The following TPCN1 variants were observed in gnomAD, a reference collection of about 807,000 sequenced individuals.
The protein encoded by TPCN1 is two pore segment channel 1.
A neutral mutation model predicts 108.8 loss-of-function variants in TPCN1; 52 were observed. The observed-to-expected ratio is 0.48, with a 90% CI of 0.38 to 0.60. The LOEUF is 0.60. TPCN1 is among the 20% of genes least tolerant of loss of function. The pLI is 0.00. For missense variants in TPCN1, 806 were observed against 1,072.8 expected, an observed-to-expected ratio of 0.75 and a Z score of 3.47; for synonymous variants, 446 against 433.7, an observed-to-expected ratio of 1.03 and a Z score of -0.35.
At chr12:113,263,998 G>A (rs553057084) in intron 3 of TPCN1, among the ~76,000 whole-genome samples, 22 of 152,098 alleles carry the variant, frequency 1.4e-4, no homozygotes, top group Non-Finnish European at 2.9e-4. Context: ...TAAAATCTGA[G>A]CCCCATGTCA....
chr12:113,248,696 G>A (rs977463808), intron 2 of TPCN1, among the ~76,000 whole-genome samples: 1 of 152,182 alleles, frequency 6.6e-6, no homozygotes, highest in African/African-American at 2.4e-5. Flanking sequence ...AGAGGTTGCG[G>A]GTCAGGTTCC....
chr12:113,266,773 C>T lies in TPCN1; in HGVS notation c.414+417C>T, dbSNP rs553494607. 9.6e-4 allele frequency among the ~76,000 whole-genome samples: 146 copies of T among 152,328 alleles called. No homozygotes were observed. Among genetic ancestry groups the T allele is most frequent in the African/African-American group, 3.3e-3 (139 of 41,576 alleles). On this transcript the variant is annotated intron_variant, in intron 4 of 27. Coordinates refer to ENST00000335509, the MANE Select transcript of TPCN1 (RefSeq NM_017901.6). This position sits in a 1 kb window ranked among gnomAD's most constrained non-coding sequence, Gnocchi z 4.2. ...CCCAGCCCCGCAGATGTCCCTACACCCAGGCCCAGCCATCATTCAGTGGGG... is the reference window on the plus strand; with the variant it reads ...CCCAGCCCCGCAGATGTCCCTACACTCAGGCCCAGCCATCATTCAGTGGGG...
chr12:113,296,310 CCTACTGTGGAAGGCTCCAGAAGG>C lies in TPCN1; in HGVS notation c.*236_*258del. On this transcript the variant is annotated 3_prime_UTR_variant, in exon 28 of 28. Coordinates refer to ENST00000335509, the MANE Select transcript of TPCN1 (RefSeq NM_017901.6). ...GTGCGGCCACCAGGTCTGAGCTCTTCCTACTGTGGAAGGCTCCAGAAGGCCCTTCACAAGGAGACCCCTCACCT... is the reference window on the plus strand; with the variant it reads ...GTGCGGCCACCAGGTCTGAGCTCTTCCCCTTCACAAGGAGACCCCTCACCT... The C allele has an allele frequency of 3.6e-6, 2 of 559,952 alleles. No homozygotes were observed. Among genetic ancestry groups the C allele is most frequent in the Admixed American group, 3.1e-5 (1 of 32,322 alleles). The allele number at this position is 559,952 out of a possible 1,614,324, so 34.7% of individuals were successfully genotyped here.
chr12:113,280,183 C>T lies in TPCN1; in HGVS notation c.1330C>T (p.Gln444Ter), dbSNP rs758729890. Residue 444 changes from glutamine (Q) to a stop codon, truncating the protein, a stop_gained, in exon 15 of 28, where the codon CAG becomes TAG. Transcript: ENST00000335509. LOFTEE classifies it high-confidence loss of function. Reference protein sequence around the residue: ...INILVKSKAFQYFMYLVVAVN... With the variant: ...INILVKSKAF Reference sequence around the variant, plus strand: ...TATCCTTGTGAAGTCCAAGGCCTTCCAGTATTTCATGTGTAAGTGTGAAAT... The same window carrying T: ...TATCCTTGTGAAGTCCAAGGCCTTCTAGTATTTCATGTGTAAGTGTGAAAT... 6.2e-7 allele frequency: 1 copy of T among 1,608,600 alleles called. No individual in the cohort carries two copies. The highest frequency in any genetic ancestry group is 8.5e-7 in the Non-Finnish European group (1 of 1,175,446).
intron 2 of TPCN1, among the ~76,000 whole-genome samples, chr12:113,239,273 C>A (rs114354287): frequency 6.6e-6 from 1 of 152,216 alleles, no homozygotes; most frequent in African/African-American, 2.4e-5. Flanking sequence ...CCTGCTCCCC[C>A]CAGCTAGGGC....
Position 113,293,046 on chromosome 12 carries a change from G to A in TPCN1, c.2226G>A (p.Glu742=). 1.2e-6 allele frequency: 2 copies of A among 1,612,944 alleles called. No individual in the cohort carries two copies. The highest frequency in any genetic ancestry group is 1.7e-6 in the Non-Finnish European group (2 of 1,179,842). ...GASSDVTRLL[E]TLSQMERYQQ... is the part of the protein sequence containing the mutation. ...CCTCGGATGTCACCAGGCTGCTGGA[G>A]ACCCTCTCCCAGATGGAGAGATACC... The change falls in exon 26 of 28, where the codon GAG becomes GAA. Residue 742 remains glutamate, a synonymous_variant. Transcript: ENST00000335509.
chr12:113,266,431 A>T lies in TPCN1; in HGVS notation c.414+75A>T. ...GGCAAGCGATGGAACTCCAAAAAGG[A>T]ACATTCTGGGAGGGCAAACACTGCA... is the stretch of plus-strand genomic sequence containing the variant. On this transcript the variant is annotated intron_variant, in intron 4 of 27. Transcript: ENST00000335509. This position sits in a 1 kb window ranked among gnomAD's most constrained non-coding sequence, Gnocchi z 4.2. 1 of 1,561,176 alleles carries T rather than the reference A, an allele frequency of 6.4e-7. No homozygotes were observed. The highest frequency in any genetic ancestry group is 1.7e-4 in the Middle Eastern group (1 of 5,836).
At chr12:113,253,835 T>C (rs1484644918) in intron 2 of TPCN1, among the ~76,000 whole-genome samples, 2 of 152,206 alleles carry the variant, frequency 1.3e-5, no homozygotes, top group African/African-American at 4.8e-5. Flanking sequence ...AGGTGAAAGA[T>C]AATGCGGTGG....
rs546883897 is a variant in TPCN1, at chr12:113,241,455, G to T, written c.112+14491G>T. On this transcript the variant is annotated intron_variant, in intron 2 of 27. Coordinates refer to ENST00000335509, the MANE Select transcript of TPCN1 (RefSeq NM_017901.6). ...GTGTTTCTGGTTAAGGACTAGAGCGGACTTTTGATCTGTGCTGAGTGGATG... is the reference window on the plus strand; with the variant it reads ...GTGTTTCTGGTTAAGGACTAGAGCGTACTTTTGATCTGTGCTGAGTGGATG... 2.6e-5 allele frequency among the ~76,000 whole-genome samples: 4 copies of T among 152,356 alleles called. No homozygotes were observed. In the East Asian group the frequency reaches 7.7e-4, roughly 29 times the overall value.
In TPCN1 at chr12:113,262,320, G is replaced by T. The variant is rs578177955; in HGVS notation, c.237+1828G>T. Among the ~76,000 whole-genome samples, 52 of 151,982 alleles carry T rather than the reference G, an allele frequency of 3.4e-4. 1 individual carries two copies. The highest frequency in any genetic ancestry group is 1.3e-3 in the African/African-American group (52 of 41,430). Reference sequence around the variant, plus strand: ...AGCCACTTGTGAGACTGAGGTGAAGGGATCGCCTGAGTCTGGGAAGTTGAG... The same window carrying T: ...AGCCACTTGTGAGACTGAGGTGAAGTGATCGCCTGAGTCTGGGAAGTTGAG... On this transcript the variant is annotated intron_variant, in intron 3 of 27. Coordinates refer to ENST00000335509, the MANE Select transcript of TPCN1 (RefSeq NM_017901.6).
rs1470512889 is a variant in TPCN1 at position 113,296,764 on chromosome 12, C to G, written c.*688C>G. On this transcript the variant is annotated 3_prime_UTR_variant, in exon 28 of 28. Transcript: ENST00000335509. ...CCCACCCAGCCTTCTCTGGCTTAACCCTTGTTGGCGAAAACTCTTCCACAG... is the reference window on the plus strand; with the variant it reads ...CCCACCCAGCCTTCTCTGGCTTAACGCTTGTTGGCGAAAACTCTTCCACAG... 6.6e-6 allele frequency: 1 copy of G among 152,316 alleles called. No homozygotes were observed. Among genetic ancestry groups the G allele is most frequent in the Admixed American group, 6.5e-5 (1 of 15,276 alleles). 9.4% of individuals were successfully genotyped at this position (152,316 alleles called of 1,614,324 possible). A position where few individuals can be genotyped will look rare whatever the true frequency, so the allele number is the denominator to read the frequency against.
At chr12:113,224,228 A>G (rs550088618) in intron 1 of TPCN1, among the ~76,000 whole-genome samples, 14 of 152,288 alleles carry the variant, frequency 9.2e-5, no homozygotes, top group African/African-American at 3.4e-4. Flanking sequence ...GTCCTTGGGC[A>G]GGATACGTAA....
chr12:113,221,587 C>T lies in TPCN1; in HGVS notation c.-165C>T, dbSNP rs1953222877. The T allele has an allele frequency of 1.6e-5, 3 of 191,950 alleles. No homozygotes were observed. Among genetic ancestry groups the T allele is most frequent in the African/African-American group, 2.4e-5 (1 of 41,542 alleles). The allele number at this position is 191,950 out of a possible 1,614,324, so 11.9% of individuals were successfully genotyped here. Reference sequence around the variant, plus strand: ...CGCCGGCGGGCTAGGCTGCGCGGTGCGGACCCCGGCGCGCGGTCCGGGTTG... The same window carrying T: ...CGCCGGCGGGCTAGGCTGCGCGGTGTGGACCCCGGCGCGCGGTCCGGGTTG... On this transcript the variant is annotated 5_prime_UTR_variant, in exon 1 of 28. Transcript: ENST00000335509.
At position 113,268,590 on chromosome 12, in the gene TPCN1, C is replaced by T; in HGVS notation, c.529-152C>T. ...TGGAGTTTTTTTTCTTCTGGGGCTG[C>T]CTGATGTTGGCAGGAAGTGTGAGAG... On this transcript the variant is annotated intron_variant, in intron 5 of 27. Transcript: ENST00000335509. This position sits in a 1 kb window ranked among gnomAD's most constrained non-coding sequence, Gnocchi z 7.3. 2.2e-6 allele frequency: 2 copies of T among 901,724 alleles called. No individual in the cohort carries two copies. Among genetic ancestry groups the T allele is most frequent in the Admixed American group, 2.8e-5 (1 of 35,758 alleles). The allele number at this position is 901,724 out of a possible 1,614,324, so 55.9% of individuals were successfully genotyped here.
chr12:113,280,634 A>G (rs1488070498), intron 15 of TPCN1, among the ~76,000 whole-genome samples: 1 of 152,266 alleles, frequency 6.6e-6, no homozygotes, highest in African/African-American at 2.4e-5. Context: ...GGCAATTTAC[A>G]TTTAAGCTAA....
chr12:113,282,748 C>T (rs1038414456), intron 15 of TPCN1, among the ~76,000 whole-genome samples: 1 of 150,380 alleles, frequency 6.6e-6, no homozygotes, highest in African/African-American at 2.5e-5. Flanking sequence ...CAGAGTGAGA[C>T]CCCCCTATCT....
intron 2 of TPCN1, among the ~76,000 whole-genome samples, chr12:113,228,977 C>T (rs1235087213): frequency 6.6e-6 from 1 of 152,202 alleles, no homozygotes; most frequent in Non-Finnish European, 1.5e-5. Context: ...TTTTAAGTCC[C>T]TCCAACGTGC....
rs1956436161 is a variant in TPCN1 at position 113,296,591 on chromosome 12, T to C, written c.*515T>C. ...TGGTATTTCAGTGTCTGTGATAATGTCACGCAACACCTCTTCGGGGACCAG... is the reference window on the plus strand; with the variant it reads ...TGGTATTTCAGTGTCTGTGATAATGCCACGCAACACCTCTTCGGGGACCAG... On this transcript the variant is annotated 3_prime_UTR_variant, in exon 28 of 28. Transcript: ENST00000335509. The C allele has an allele frequency of 6.5e-6, 1 of 154,432 alleles. No individual in the cohort carries two copies. The highest frequency in any genetic ancestry group is 2.4e-5 in the African/African-American group (1 of 41,506). The allele number at this position is 154,432 out of a possible 1,614,324, so 9.6% of individuals were successfully genotyped here.
At chr12:113,227,888 G>C (rs1953532584) in intron 2 of TPCN1, among the ~76,000 whole-genome samples, 1 of 152,180 alleles carries the variant, frequency 6.6e-6, no homozygotes, top group South Asian at 2.1e-4. Flanking sequence ...AAGGAGAGCA[G>C]TGTTTCCAGG....
Sources: gnomAD v4.1 joint callset for allele counts (sites outside exome capture counted in the v4.1 genomes callset) on GRCh38, gnomAD v4.1.1 for gene constraint, Gnocchi (gnomAD v3.1) non-coding constraint, MANE v1.5 for transcripts, NCBI Gene and HGNC (gene_info 2026-07-23, HGNC 2026-07-21) for gene names.